NAA16: variants seen among roughly 807,000 people sequenced by gnomAD.
The protein encoded by NAA16 is NARG1-like protein.
NAA16 carries 97 observed loss-of-function variants against 110.3 expected under a neutral mutation model. The ratio of observed to expected loss-of-function variants is 0.88; its 90% CI spans 0.75 to 1.04. NAA16 has a LOEUF of 1.04. Among genes scored for constraint, NAA16 ranks in the 50% least tolerant of loss-of-function variants. NAA16 has a pLI of 0.00. For synonymous variants in NAA16, 372 were observed against 330.6 expected, an observed-to-expected ratio of 1.13 and a Z score of -1.36; for missense variants, 1,017 against 1,005.1, an observed-to-expected ratio of 1.01 and a Z score of -0.16.
intron 12 of NAA16, 133 bp from the exon 13 acceptor site, chr13:41,361,898 G>A (rs940139148): frequency 3.1e-4 from 293 of 958,780 alleles, no homozygotes; most frequent in Non-Finnish European, 4.2e-4. Context: ...AACCATGTTT[G>A]GAAACATACT....
intron 15 of NAA16, among the ~76,000 whole-genome samples, chr13:41,369,862 T>G (rs2043282323): frequency 6.6e-6 from 1 of 152,196 alleles, no homozygotes; most frequent in African/African-American, 2.4e-5. Context: ...ACACCTTGAT[T>G]GTAAGCCCAG....
At chr13:41,331,747 G>A (rs968746008) in intron 8 of NAA16, among the ~76,000 whole-genome samples, 1 of 152,076 alleles carries the variant, frequency 6.6e-6, no homozygotes, top group Non-Finnish European at 1.5e-5. Flanking sequence ...GGGGACTGTA[G>A]TTAACAACAA....
Position 41,376,531 on chromosome 13 carries a change from A to G in NAA16, c.*929A>G, listed in dbSNP as rs2043429601. On this transcript the variant is annotated 3_prime_UTR_variant, in exon 20 of 20. Transcript: ENST00000379406. ...GAATATTTCTCTCTCCCAGTCTTAAAAGCCCACAGGCAAGAATTAATGCTT... is the reference window on the plus strand; with the variant it reads ...GAATATTTCTCTCTCCCAGTCTTAAGAGCCCACAGGCAAGAATTAATGCTT... The G allele has an allele frequency of 6.6e-6, 1 of 152,192 alleles. No individual in the cohort carries two copies. The highest frequency in any genetic ancestry group is 1.5e-5 in the Non-Finnish European group (1 of 68,034). The allele number at this position is 152,192 out of a possible 1,614,324, so 9.4% of individuals were successfully genotyped here. A position where few individuals can be genotyped will look rare whatever the true frequency, so the allele number is the denominator to read the frequency against.
At chr13:41,370,352 C>G (rs2043290999) in intron 15 of NAA16, among the ~76,000 whole-genome samples, 1 of 152,162 alleles carries the variant, frequency 6.6e-6, no homozygotes, top group Middle Eastern at 3.4e-3. Context: ...AAAAAGTGCT[C>G]TATCACAGGA....
In NAA16 at chr13:41,336,734, C is replaced by A; in HGVS notation, c.992C>A (p.Ser331Tyr). The A allele has an allele frequency of 1.2e-6, 2 of 1,600,850 alleles. No homozygotes were observed. The highest frequency in any genetic ancestry group is 1.1e-5 in the South Asian group (1 of 89,172). ...GCPPLFTTLK[S>Y]LYYNTEKVSI... ...CCACCCTTGTTTACTACTTTGAAAT[C>A]TTTATATTACAATACAGAAAAGGTA... The change falls in exon 9 of 20, where the codon TCT becomes TAT. Residue 331 changes from serine to tyrosine, a missense_variant. By Grantham distance (144) the Ser-to-Tyr change is moderately radical. Coordinates refer to ENST00000379406, the MANE Select transcript of NAA16 (RefSeq NM_024561.5).
chr13:41,311,465 C>A lies in NAA16; in HGVS notation c.-64C>A. On this transcript the variant is annotated 5_prime_UTR_variant, in exon 1 of 20. Coordinates refer to ENST00000379406, the MANE Select transcript of NAA16 (RefSeq NM_024561.5). Reference sequence around the variant, plus strand: ...AGCGGTTCGTCCCGGTGCCCACCCCCGCGAAGCGGAGCGCCCGGGCACCTA... The same window carrying A: ...AGCGGTTCGTCCCGGTGCCCACCCCAGCGAAGCGGAGCGCCCGGGCACCTA... The A allele has an allele frequency of 6.6e-7, 1 of 1,515,894 alleles. No individual in the cohort carries two copies. The highest frequency in any genetic ancestry group is 1.2e-5 in the South Asian group (1 of 83,514). The allele number at this position is 1,515,894 out of a possible 1,614,324, so 93.9% of individuals were successfully genotyped here.
At chr13:41,374,175 T>A (rs1427903062) in intron 18 of NAA16, among the ~76,000 whole-genome samples, 1 of 151,640 alleles carries the variant, frequency 6.6e-6, no homozygotes, top group Non-Finnish European at 1.5e-5. Flanking sequence ...GGAGCCTCAC[T>A]CTGTCGCCCA....
intron 9 of NAA16, among the ~76,000 whole-genome samples, chr13:41,352,644 G>C (rs950310463): frequency 2.0e-5 from 3 of 152,214 alleles, no homozygotes; most frequent in Admixed American, 2.0e-4. Flanking sequence ...AACAGAGTGA[G>C]ACTTGGTCTC....
chr13:41,356,256 AGCTCTAGCAATCTGCCT>A (rs1465887301), intron 10 of NAA16, among the ~76,000 whole-genome samples: 2 of 151,928 alleles, frequency 1.3e-5, no homozygotes, highest in Non-Finnish European at 2.9e-5. Flanking sequence ...TGAACTCCTG[AGCTCTAGCAATCTGCCT>A]GTCTCAGCCT....
At chr13:41,372,709 C>A in intron 16 of NAA16, 23 bp from the exon 17 acceptor site, 1 of 1,577,364 alleles carries the variant, frequency 6.3e-7, no homozygotes, top group Non-Finnish European at 8.6e-7. Context: ...AATGCTATTA[C>A]TTTTGTATTT....
intron 9 of NAA16, among the ~76,000 whole-genome samples, chr13:41,345,081 T>C (rs1265543331): frequency 6.6e-6 from 1 of 152,232 alleles, no homozygotes; most frequent in Non-Finnish European, 1.5e-5. Context: ...CATGTAACAT[T>C]CCATTTTATG....
rs2042392028 is a variant in NAA16 at position 41,336,756 on chromosome 13, G to T, written c.1014G>T (p.Lys338Asn). The change falls in exon 9 of 20, where the codon AAG becomes AAT. Residue 338 changes from lysine to asparagine, a missense_variant and splice_region_variant. Transcript: ENST00000379406. ...TLKSLYYNTE[K>N]VSIIQELVTN... ...AATCTTTATATTACAATACAGAAAA[G>T]GTAAAATTTGGTATTTATTCAGATT... is the stretch of plus-strand genomic sequence containing the variant. 1.3e-6 allele frequency: 2 copies of T among 1,527,108 alleles called. No individual in the cohort carries two copies. Among genetic ancestry groups the T allele is most frequent in the East Asian group, 2.3e-5 (1 of 43,694 alleles). 94.6% of individuals were successfully genotyped at this position (1,527,108 alleles called of 1,614,324 possible). A position where few individuals can be genotyped will look rare whatever the true frequency, so the allele number is the denominator to read the frequency against.
chr13:41,336,569 G>A, intron 8 of NAA16, 81 bp from the exon 9 acceptor site: 1 of 842,256 alleles, frequency 1.2e-6, no homozygotes, highest in Non-Finnish European at 1.8e-6. Flanking sequence ...GCTTCTGAGG[G>A]AGCTTTATTT....
At chr13:41,312,828 A>G (rs1169022886) in intron 1 of NAA16, among the ~76,000 whole-genome samples, 3 of 152,216 alleles carry the variant, frequency 2.0e-5, no homozygotes, top group South Asian at 2.1e-4. Flanking sequence ...TTTTGAACCA[A>G]TAATAAGATA....
chr13:41,323,898 A>T (rs981542440), intron 5 of NAA16, among the ~76,000 whole-genome samples: 5 of 150,836 alleles, frequency 3.3e-5, no homozygotes, highest in African/African-American at 9.8e-5. Flanking sequence ...TCTCTTTTCC[A>T]CTCCTCTGTT....
intron 9 of NAA16, among the ~76,000 whole-genome samples, chr13:41,343,214 T>C (rs1011075073): frequency 3.9e-4 from 59 of 151,712 alleles, no homozygotes; most frequent in African/African-American, 1.3e-3. Flanking sequence ...AAGTGATCCT[T>C]CCGTCTCAGC....
rs2043417654 is a variant in NAA16, at chr13:41,375,788, C to T, written c.*186C>T. The stretch of plus-strand genomic sequence containing the variant: ...TTTACATAACCATCTGTTAAAATTA[C>T]CTGTTTATTCTTACACAGTTTTGTG... On this transcript the variant is annotated 3_prime_UTR_variant, in exon 20 of 20. Coordinates refer to ENST00000379406, the MANE Select transcript of NAA16 (RefSeq NM_024561.5). 4.0e-6 allele frequency: 2 copies of T among 495,524 alleles called. No individual in the cohort carries two copies. Among genetic ancestry groups the T allele is most frequent in the South Asian group, 7.3e-5 (2 of 27,446 alleles). 30.7% of individuals were successfully genotyped at this position (495,524 alleles called of 1,614,324 possible).
chr13:41,359,869 A>G (rs1024551692), intron 12 of NAA16, among the ~76,000 whole-genome samples: 2 of 152,208 alleles, frequency 1.3e-5, no homozygotes, highest in Admixed American at 6.5e-5. Flanking sequence ...TATAGAAGAA[A>G]ATATATAGGA....
In NAA16 at chr13:41,374,746, T is replaced by C. The variant is rs777172738; in HGVS notation, c.2304T>C (p.Ala768=). ...ATSLQHLLSG[A]KMMYFLDKSR... is the part of the protein sequence containing the mutation. ...TGAAATGCCTTGGTATTTCAGGTGC[T>C]AAAATGATGTATTTTCTGGACAAGT... Residue 768 remains alanine, a synonymous_variant, in exon 19 of 20, where the codon GCT becomes GCC. Coordinates refer to ENST00000379406, the MANE Select transcript of NAA16 (RefSeq NM_024561.5). 38 of 1,606,756 alleles carry C rather than the reference T, an allele frequency of 2.4e-5. No individual in the cohort carries two copies. Among genetic ancestry groups the C allele is most frequent in the African/African-American group, 5.4e-5 (4 of 74,670 alleles).
Sources: gnomAD v4.1 joint callset for allele counts (sites outside exome capture counted in the v4.1 genomes callset) on GRCh38, gnomAD v4.1.1 for gene constraint, MANE v1.5 for transcripts, NCBI Gene and HGNC (gene_info 2026-07-23, HGNC 2026-07-21) for gene names.